VPS35L: variants seen among roughly 807,000 people sequenced by gnomAD.
The protein encoded by VPS35L is VPS35 endosomal protein sorting factor like.
VPS35L carries 83 observed loss-of-function variants against 133.0 expected under a neutral mutation model. The observed-to-expected ratio is 0.62, with a 90% confidence interval of 0.52 to 0.75. The LOEUF is 0.75. Among genes scored for constraint, VPS35L ranks in the 30% least tolerant of loss-of-function variants. The probability of loss-of-function intolerance (pLI) is 0.00; values close to 1 mark genes in which losing one functional copy is unlikely to be tolerated. For missense variants in VPS35L, 1,083 were observed against 1,206.8 expected, an observed-to-expected ratio of 0.90 and a Z score of 1.52; for synonymous variants, 423 against 449.9, an observed-to-expected ratio of 0.94 and a Z score of 0.76.
intron 26 of VPS35L, 118 bp from the exon 27 acceptor site, chr16:19,669,042 C>T: frequency 9.4e-7 from 1 of 1,060,106 alleles, no homozygotes; most frequent in Non-Finnish European, 1.3e-6. Flanking sequence ...AGGACCTGCC[C>T]TCGGCATGGC....
At chr16:19,632,790 T>A (rs929171522) in intron 18 of VPS35L, among the ~76,000 whole-genome samples, 2 of 152,376 alleles carry the variant, frequency 1.3e-5, no homozygotes, top group South Asian at 4.1e-4. Flanking sequence ...AGGGAGGGCC[T>A]GGGACAGGCA....
chr16:19,692,586 G>A (rs1318521733), intron 29 of VPS35L, among the ~76,000 whole-genome samples: 3 of 151,612 alleles, frequency 2.0e-5, no homozygotes, highest in Non-Finnish European at 2.9e-5. Context: ...TTTTTGAGAC[G>A]GAGTTTCGCT....
At chr16:19,600,668 G>T (rs112155939) in intron 8 of VPS35L, among the ~76,000 whole-genome samples, 125 of 152,306 alleles carry the variant, frequency 8.2e-4, no homozygotes, top group African/African-American at 2.9e-3. Context: ...CCTTTGTGGA[G>T]CTTGCATTCT....
intron 2 of VPS35L, 120 bp from the exon 3 acceptor site, chr16:19,569,304 G>T: frequency 8.9e-7 from 1 of 1,120,364 alleles, no homozygotes; most frequent in African/African-American, 1.5e-5. Context: ...AGATGGTTAA[G>T]TCTCTGCTGC....
At chr16:19,631,807 C>T (rs1280645650) in intron 18 of VPS35L, among the ~76,000 whole-genome samples, 2 of 152,216 alleles carry the variant, frequency 1.3e-5, no homozygotes, top group East Asian at 3.8e-4. Context: ...CTCCTGAGCT[C>T]AGGCAATGCT....
chr16:19,559,475 A>G (rs1356044784), intron 1 of VPS35L, among the ~76,000 whole-genome samples: 1 of 152,200 alleles, frequency 6.6e-6, no homozygotes, highest in Non-Finnish European at 1.5e-5. Context: ...ACCAGTTTAT[A>G]TCAACTATGT....
intron 28 of VPS35L, among the ~76,000 whole-genome samples, chr16:19,690,551 C>T (rs1009847718): frequency 2.0e-5 from 3 of 152,204 alleles, no homozygotes; most frequent in Non-Finnish European, 4.4e-5. Context: ...ACAGGGCAGG[C>T]AGCTGGATGC....
At chr16:19,684,455 G>C (rs1461987582) in intron 28 of VPS35L, among the ~76,000 whole-genome samples, 1 of 152,192 alleles carries the variant, frequency 6.6e-6, no homozygotes, top group Non-Finnish European at 1.5e-5. Context: ...GCTTTCTCTA[G>C]CTGGGTCTGG....
intron 24 of VPS35L, 108 bp from the exon 25 acceptor site, chr16:19,650,273 AG>A: frequency 1.1e-6 from 1 of 900,804 alleles, no homozygotes; most frequent in Non-Finnish European, 1.8e-6. Context: ...GGTCCTAGAA[AG>A]CTTGTTCTCA....
intron 27 of VPS35L, among the ~76,000 whole-genome samples, chr16:19,678,726 C>T (rs1297248965): frequency 2.0e-5 from 3 of 151,986 alleles, no homozygotes; most frequent in Non-Finnish European, 4.4e-5. Context: ...AGTCCACCTG[C>T]CTCGGCCTCC....
intron 29 of VPS35L, among the ~76,000 whole-genome samples, chr16:19,696,331 G>A (rs1975909775): frequency 6.6e-6 from 1 of 152,178 alleles, no homozygotes; most frequent in South Asian, 2.1e-4. Context: ...CACTGAGTGG[G>A]GTGGGCGGCT....
intron 27 of VPS35L, among the ~76,000 whole-genome samples, chr16:19,670,493 A>G (rs1974839765): frequency 6.6e-6 from 1 of 152,340 alleles, no homozygotes; most frequent in South Asian, 2.1e-4. Context: ...TGCCATGAAT[A>G]TTAAGTTAGT....
chr16:19,602,436 A>C (rs1972414447), intron 9 of VPS35L, among the ~76,000 whole-genome samples: 1 of 151,934 alleles, frequency 6.6e-6, no homozygotes, highest in South Asian at 2.1e-4. Flanking sequence ...GGTGAATAGA[A>C]AGTGTTTGTG....
intron 27 of VPS35L, among the ~76,000 whole-genome samples, chr16:19,674,234 G>C (rs1974984570): frequency 7.9e-6 from 1 of 126,364 alleles, no homozygotes; most frequent in Non-Finnish European, 1.6e-5. Context: ...TGTCACCCAG[G>C]CTAGATGGAA....
chr16:19,587,769 GTCAATCC>G (rs1971916034), intron 7 of VPS35L, among the ~76,000 whole-genome samples: 3 of 150,130 alleles, frequency 2.0e-5, no homozygotes, highest in Non-Finnish European at 3.0e-5. Flanking sequence ...TGATCCATAA[GTCAATCC>G]TTATGCCAGT....
intron 28 of VPS35L, among the ~76,000 whole-genome samples, chr16:19,683,549 GTAGT>G (rs1434193079): frequency 6.6e-6 from 1 of 152,182 alleles, no homozygotes; most frequent in Non-Finnish European, 1.5e-5. Context: ...GAACATGGCG[GTAGT>G]TAGTTTTCTG....
rs752956339 is a variant in VPS35L at position 19,699,475 on chromosome 16, G to A, written c.2647-27G>A. The A allele has an allele frequency of 1.2e-6, 2 of 1,613,412 alleles. No individual in the cohort carries two copies. The highest frequency in any genetic ancestry group is 1.1e-5 in the South Asian group (1 of 90,990). On this transcript the variant is annotated intron_variant, in intron 29 of 30. Coordinates refer to ENST00000417362, the MANE Select transcript of VPS35L (RefSeq NM_020314.7). The surrounding 1 kb of genome is among the most constrained non-coding windows in gnomAD (Gnocchi z 4.2). Reference sequence around the variant, plus strand: ...GGGCACGGCCTGAGCCCCAGTGCAAGGCAGTAACCTCCCTTTTCTGTTTCA... The same window carrying A: ...GGGCACGGCCTGAGCCCCAGTGCAAAGCAGTAACCTCCCTTTTCTGTTTCA...
intron 27 of VPS35L, among the ~76,000 whole-genome samples, chr16:19,678,686 C>T (rs932401916): frequency 1.3e-5 from 2 of 151,912 alleles, no homozygotes; most frequent in Non-Finnish European, 2.9e-5. Flanking sequence ...CCATGTTGGC[C>T]AGGCTGGTTT....
intron 23 of VPS35L, among the ~76,000 whole-genome samples, chr16:19,645,673 C>A (rs1472749386): frequency 2.0e-5 from 3 of 152,138 alleles, no homozygotes; most frequent in Non-Finnish European, 4.4e-5. Context: ...GGTTTCCATC[C>A]CCCCCAGCTC....
Sources: allele counts gnomAD v4.1 joint callset (sites outside exome capture counted in the v4.1 genomes callset), GRCh38; gene constraint gnomAD v4.1.1; non-coding constraint Gnocchi (gnomAD v3.1); transcripts MANE v1.5; gene names NCBI Gene and HGNC (gene_info 2026-07-23, HGNC 2026-07-21).